XKR6: variants seen among roughly 807,000 people sequenced by gnomAD.
The protein encoded by XKR6 is XK-related protein 6.
A neutral mutation model predicts 56.7 loss-of-function variants in XKR6; 22 were observed. The observed-to-expected ratio is 0.39, with a 90% CI of 0.28 to 0.55. The LOEUF is 0.55. Ranked by LOEUF, XKR6 falls within the 20% of genes least tolerant of loss-of-function variation. The pLI is 0.66. For missense variants in XKR6, 852 were observed against 889.0 expected, an observed-to-expected ratio of 0.96 and a Z score of 0.53; for synonymous variants, 524 against 387.8, an observed-to-expected ratio of 1.35 and a Z score of -4.13.
rs76239030 is a variant in XKR6 at position 11,004,958 on chromosome 8, T to C, written c.765-80128A>G. On this transcript the variant is annotated intron_variant, in intron 1 of 2. Coordinates refer to ENST00000416569, the MANE Select transcript of XKR6 (RefSeq NM_173683.4). ...TCACATAAAGACAGAAATTGTATGA[T>C]TCTACTTAAATGACGTACCAAGAGT... Among the ~76,000 whole-genome samples, 6 of 152,290 alleles carry C rather than the reference T, an allele frequency of 3.9e-5. No individual in the cohort carries two copies. In the East Asian group the frequency reaches 1.2e-3, roughly 29 times the overall value.
At chr8:11,179,655 T>A (rs896699214) in intron 1 of XKR6, among the ~76,000 whole-genome samples, 1 of 152,160 alleles carries the variant, frequency 6.6e-6, no homozygotes, top group Non-Finnish European at 1.5e-5. Flanking sequence ...TCACCAACCA[T>A]CATTCAGGTG....
At chr8:10,931,465 T>G (rs935484651) in intron 1 of XKR6, among the ~76,000 whole-genome samples, 1 of 152,086 alleles carries the variant, frequency 6.6e-6, no homozygotes, top group African/African-American at 2.4e-5. Flanking sequence ...GTCAAAACAA[T>G]TCTAAAAGTG....
At position 10,897,415 on chromosome 8, in the gene XKR6, G is replaced by T. The variant is rs1357708308; in HGVS notation, c.*537C>A. ...ATTGTTTAATTTTCCCTCTTCTGGT[G>T]CAAAAATCACCAGAGAGTTTTGCAT... On this transcript the variant is annotated 3_prime_UTR_variant, in exon 3 of 3. Coordinates refer to ENST00000416569, the MANE Select transcript of XKR6 (RefSeq NM_173683.4). The T allele has an allele frequency of 6.6e-6, 1 of 152,540 alleles. No individual in the cohort carries two copies. The highest frequency in any genetic ancestry group is 1.9e-4 in the East Asian group (1 of 5,194). The allele number at this position is 152,540 out of a possible 1,614,324, so 9.4% of individuals were successfully genotyped here.
intron 1 of XKR6, among the ~76,000 whole-genome samples, chr8:11,130,235 A>AT (rs1466479775): frequency 1.3e-5 from 2 of 151,990 alleles, no homozygotes; most frequent in Non-Finnish European, 2.9e-5. Flanking sequence ...TTACAGTTTA[A>AT]TTTTTTTTAA....
chr8:11,007,609 G>A (rs926158810), intron 1 of XKR6, among the ~76,000 whole-genome samples: 1 of 152,178 alleles, frequency 6.6e-6, no homozygotes, highest in Non-Finnish European at 1.5e-5. Flanking sequence ...AAGGCAGACT[G>A]GAGGAGTCAG....
At chr8:11,045,592 T>C (rs1322526150) in intron 1 of XKR6, among the ~76,000 whole-genome samples, 8 of 152,216 alleles carry the variant, frequency 5.3e-5, no homozygotes, top group Non-Finnish European at 8.8e-5. Context: ...CCTAGAATTA[T>C]TGGGAGGGTT....
intron 1 of XKR6, among the ~76,000 whole-genome samples, chr8:11,120,965 G>A (rs1295967747): frequency 2.6e-5 from 4 of 152,290 alleles, no homozygotes; most frequent in East Asian, 1.9e-4. Context: ...AAATGGTGCT[G>A]GGAAAACTGG....
intron 1 of XKR6, among the ~76,000 whole-genome samples, chr8:11,186,182 GC>G (rs976047498): frequency 4.6e-5 from 7 of 151,372 alleles, no homozygotes; most frequent in African/African-American, 1.7e-4. Context: ...ACACATTCAT[GC>G]CCCCCCATCC....
At chr8:11,170,874 A>T (rs1026063174) in intron 1 of XKR6, among the ~76,000 whole-genome samples, 7 of 152,180 alleles carry the variant, frequency 4.6e-5, no homozygotes, top group African/African-American at 1.7e-4. Context: ...GAATATTCTG[A>T]GCTTTAAATA....
At chr8:10,938,628 A>G (rs1249894252) in intron 1 of XKR6, among the ~76,000 whole-genome samples, 1 of 152,230 alleles carries the variant, frequency 6.6e-6, no homozygotes, top group Admixed American at 6.5e-5. Context: ...GATTCCACTT[A>G]TATGATATTC....
chr8:11,164,099 G>A (rs1254905411), intron 1 of XKR6, among the ~76,000 whole-genome samples: 1 of 152,186 alleles, frequency 6.6e-6, no homozygotes, highest in Non-Finnish European at 1.5e-5. Flanking sequence ...GGCCAGGCCA[G>A]CACTACTTCC....
intron 1 of XKR6, among the ~76,000 whole-genome samples, chr8:11,111,002 T>G (rs1469621334): frequency 8.3e-6 from 1 of 119,946 alleles, no homozygotes; most frequent in Non-Finnish European, 1.7e-5. Flanking sequence ...ACGCCTGGCT[T>G]TTTCTATTTT....
At chr8:11,037,311 C>T (rs1317581053) in intron 1 of XKR6, among the ~76,000 whole-genome samples, 1 of 152,190 alleles carries the variant, frequency 6.6e-6, no homozygotes, top group African/African-American at 2.4e-5. Flanking sequence ...CTGCAACCTT[C>T]ACCTCCCGGG....
chr8:11,086,492 G>A (rs111996503), intron 1 of XKR6, among the ~76,000 whole-genome samples: 2,587 of 152,284 alleles, frequency 0.017, 36 homozygotes, highest in Middle Eastern at 0.051. Context: ...TCACAGCCAT[G>A]GAAAGTCATT....
chr8:10,976,923 A>G (rs536975532), intron 1 of XKR6, among the ~76,000 whole-genome samples: 1 of 152,232 alleles, frequency 6.6e-6, no homozygotes, highest in African/African-American at 2.4e-5. Flanking sequence ...ATCTGTGTAG[A>G]TGCAGGAGGT....
chr8:11,031,422 G>A (rs1003696561), intron 1 of XKR6, among the ~76,000 whole-genome samples: 1 of 152,224 alleles, frequency 6.6e-6, no homozygotes, highest in South Asian at 2.1e-4. Context: ...GCAGGTCCGA[G>A]TAAGGCACTG....
intron 1 of XKR6, among the ~76,000 whole-genome samples, chr8:10,964,405 C>G (rs1250059451): frequency 6.6e-6 from 1 of 152,122 alleles, no homozygotes; most frequent in Non-Finnish European, 1.5e-5. Flanking sequence ...CCTGGAGGCT[C>G]CGAACCACTC....
intron 1 of XKR6, among the ~76,000 whole-genome samples, chr8:11,004,445 A>G (rs533480579): frequency 1.3e-5 from 2 of 152,218 alleles, no homozygotes; most frequent in African/African-American, 4.8e-5. Context: ...ACTGCACTTC[A>G]GCCTAGGCGA....
chr8:10,981,079 C>T (rs1047906398), intron 1 of XKR6, among the ~76,000 whole-genome samples: 2 of 152,310 alleles, frequency 1.3e-5, no homozygotes, highest in South Asian at 2.1e-4. Context: ...TTCCTACCCC[C>T]ACTATCTCCC....
Sources: gnomAD v4.1 joint callset for allele counts (sites outside exome capture counted in the v4.1 genomes callset) on GRCh38, gnomAD v4.1.1 for gene constraint, MANE v1.5 for transcripts, NCBI Gene and HGNC (gene_info 2026-07-23, HGNC 2026-07-21) for gene names.